The following CFAP57 variants were observed in gnomAD, a reference collection of about 807,000 sequenced individuals.
CFAP57 encodes cilia- and flagella-associated protein 57.
A neutral mutation model predicts 146.8 loss-of-function variants in CFAP57; 116 were observed. The ratio of observed to expected loss-of-function variants is 0.79; its 90% confidence interval spans 0.68 to 0.92. CFAP57 has a LOEUF of 0.92. Ranked by LOEUF, CFAP57 falls within the 40% of genes least tolerant of loss-of-function variation. The probability of loss-of-function intolerance (pLI) is 0.00; values close to 1 mark genes in which losing one functional copy is unlikely to be tolerated. For synonymous variants in CFAP57, 518 were observed against 552.8 expected, an observed-to-expected ratio of 0.94 and a Z score of 0.88; for missense variants, 1,377 against 1,527.2, an observed-to-expected ratio of 0.90 and a Z score of 1.64.
At chr1:43,231,947 T>C (rs1645488767) in intron 18 of CFAP57, 4 of 522,026 alleles carry the variant, frequency 7.7e-6, no homozygotes, top group Non-Finnish European at 6.8e-6. Flanking sequence ...TCAGTTGTAC[T>C]TTTTAAGACC....
chr1:43,243,733 TA>T (rs1319643585), intron 22 of CFAP57, among the ~76,000 whole-genome samples: 1 of 152,200 alleles, frequency 6.6e-6, no homozygotes, highest in Non-Finnish European at 1.5e-5. Flanking sequence ...TTCCTGAATT[TA>T]AAAAAGCACT....
chr1:43,174,179 T>C (rs75428016), intron 2 of CFAP57, among the ~76,000 whole-genome samples: 2,280 of 152,294 alleles, frequency 0.015, 55 homozygotes, highest in African/African-American at 0.053. Flanking sequence ...GTCAGATATA[T>C]ATATATGTCT....
At chr1:43,197,426 C>T in intron 6 of CFAP57, 127 bp from the exon 7 acceptor site, 1 of 1,080,098 alleles carries the variant, frequency 9.3e-7, no homozygotes, top group South Asian at 1.3e-5. Flanking sequence ...AATATTCAAA[C>T]AGTTTAGCCA....
At chr1:43,199,014 A>G (rs16830529) in intron 8 of CFAP57, among the ~76,000 whole-genome samples, 7,501 of 152,288 alleles carry the variant, frequency 0.049, 626 homozygotes, top group African/African-American at 0.17. Context: ...AGGGAAAAAT[A>G]AGCATCAATG....
rs574086490 is a variant in CFAP57 at position 43,173,653 on chromosome 1, A to G, written c.157+743A>G. ...CGATACATATAGCCAAGTTCATTTTATTGCTATGTAGTGTTCCATCATATG... is the reference window on the plus strand; with the variant it reads ...CGATACATATAGCCAAGTTCATTTTGTTGCTATGTAGTGTTCCATCATATG... On this transcript the variant is annotated intron_variant, in intron 2 of 22. Transcript: ENST00000372492. Among the ~76,000 whole-genome samples the G allele has an allele frequency of 5.3e-5, 8 of 152,324 alleles. No homozygotes were observed. In the South Asian group the frequency reaches 1.7e-3, roughly 32 times the overall value.
chr1:43,185,419 C>G, intron 5 of CFAP57, 63 bp downstream of exon 5: 1 of 1,497,766 alleles, frequency 6.7e-7, no homozygotes, highest in Non-Finnish European at 9.2e-7. Context: ...TCCCCAGCAG[C>G]AGTTCTCTGA....
At chr1:43,184,407 TA>T (rs1645554856) in intron 4 of CFAP57, among the ~76,000 whole-genome samples, 1 of 152,208 alleles carries the variant, frequency 6.6e-6, no homozygotes, top group Non-Finnish European at 1.5e-5. Context: ...TGACAACCAG[TA>T]AAAATCATAT....
intron 22 of CFAP57, among the ~76,000 whole-genome samples, chr1:43,248,986 A>T (rs1011536068): frequency 7.3e-5 from 11 of 150,736 alleles, no homozygotes; most frequent in African/African-American, 2.7e-4. Flanking sequence ...GGTTCATGCC[A>T]TTCTCCTGCC....
At chr1:43,199,155 G>A (rs1476013942) in intron 8 of CFAP57, among the ~76,000 whole-genome samples, 3 of 152,136 alleles carry the variant, frequency 2.0e-5, no homozygotes, top group Non-Finnish European at 2.9e-5. Context: ...TGGTCCCAAC[G>A]GCTTAATGAT....
chr1:43,172,732 C>T lies in CFAP57; in HGVS notation c.-19-3C>T, dbSNP rs371202735. ...TCTGAAGCGCTGCCTTGGTCTTCAGCAGAACTGTTTGGCGGGAGATCATGT... is the reference window on the plus strand; with the variant it reads ...TCTGAAGCGCTGCCTTGGTCTTCAGTAGAACTGTTTGGCGGGAGATCATGT... On this transcript the variant is annotated splice_polypyrimidine_tract_variant and splice_region_variant and intron_variant, in intron 1 of 22. Coordinates refer to ENST00000372492, the MANE Select transcript of CFAP57 (RefSeq NM_001378189.1). The T allele has an allele frequency of 3.7e-5, 59 of 1,613,602 alleles. No homozygotes were observed. The highest frequency in any genetic ancestry group is 5.0e-5 in the Non-Finnish European group (59 of 1,179,998).
At chr1:43,179,572 C>G (rs1193647447) in intron 2 of CFAP57, among the ~76,000 whole-genome samples, 3 of 152,126 alleles carry the variant, frequency 2.0e-5, no homozygotes, top group Non-Finnish European at 2.9e-5. Flanking sequence ...CAGGTAGGAA[C>G]CTGGCACAAA....
intron 4 of CFAP57, among the ~76,000 whole-genome samples, chr1:43,184,094 C>T (rs906883874): frequency 2.6e-5 from 4 of 152,120 alleles, no homozygotes; most frequent in African/African-American, 4.8e-5. Context: ...TTATACCTAA[C>T]CTCATTTTAT....
At chr1:43,172,522 A>G in intron 1 of CFAP57, 69 bp downstream of exon 1, 1 of 1,384,840 alleles carries the variant, frequency 7.2e-7, no homozygotes, top group Non-Finnish European at 9.5e-7. Flanking sequence ...AAAAGGCAGA[A>G]AAAGGAGCCG....
chr1:43,223,989 G>A (rs1645146983), intron 16 of CFAP57, 57 bp from the exon 17 acceptor site: 4 of 1,540,842 alleles, frequency 2.6e-6, no homozygotes, highest in Non-Finnish European at 2.6e-6. Context: ...GACAGTGGGA[G>A]GGATGGAGAT....
chr1:43,242,750 G>T (rs943725047), intron 21 of CFAP57, among the ~76,000 whole-genome samples: 15 of 152,120 alleles, frequency 9.9e-5, no homozygotes, highest in African/African-American at 3.4e-4. Flanking sequence ...CTTGCTAGCT[G>T]TGTAACTGAG....
In CFAP57 at chr1:43,186,350, G is replaced by T. The variant is rs181269049; in HGVS notation, c.970-357G>T. On this transcript the variant is annotated intron_variant, in intron 5 of 22. Coordinates refer to ENST00000372492, the MANE Select transcript of CFAP57 (RefSeq NM_001378189.1). ...GCCTAGGCCGGGCGCAGTTGCTCAC[G>T]CCTGTAATCCCAGCACTTTGGAAGG... Among the ~76,000 whole-genome samples the T allele has an allele frequency of 2.4e-4, 37 of 152,210 alleles. No homozygotes were observed. The East Asian group carries it at 7.1e-3, about 29-fold the overall frequency.
In CFAP57 at chr1:43,229,380, T is replaced by G. The variant is rs529368197; in HGVS notation, c.3009+2254T>G. Reference sequence around the variant, plus strand: ...CCAGCAGGATCCCTCCTACCTCCTTTCGCTGGTGCCAGTTGCTGTCAGGAC... The same window carrying G: ...CCAGCAGGATCCCTCCTACCTCCTTGCGCTGGTGCCAGTTGCTGTCAGGAC... On this transcript the variant is annotated intron_variant, in intron 18 of 22. Coordinates refer to ENST00000372492, the MANE Select transcript of CFAP57 (RefSeq NM_001378189.1). 3.0e-4 allele frequency among the ~76,000 whole-genome samples: 44 copies of G among 148,642 alleles called. 6 individuals carry two copies. In the South Asian group the frequency reaches 9.7e-3, roughly 33 times the overall value.
intron 22 of CFAP57, 36 bp downstream of exon 22, chr1:43,243,395 G>T: frequency 6.8e-7 from 1 of 1,473,046 alleles, no homozygotes. Context: ...ATGGGCACTG[G>T]GACGAAGGGA....
In CFAP57 at chr1:43,201,576, C is replaced by T. The variant is rs1291499679; in HGVS notation, c.1542+2073C>T. ...TCTCGGCTCACTGCAACCTCCACCT[C>T]CTGAGTTCAAGCGATTCTCCTGCCT... On this transcript the variant is annotated intron_variant, in intron 9 of 22. Coordinates refer to ENST00000372492, the MANE Select transcript of CFAP57 (RefSeq NM_001378189.1). This position sits in a 1 kb window ranked among gnomAD's most constrained non-coding sequence, Gnocchi z 4.4. Among the ~76,000 whole-genome samples, 1 of 152,230 alleles carries T rather than the reference C, an allele frequency of 6.6e-6. No homozygotes were observed. The highest frequency in any genetic ancestry group is 1.5e-5 in the Non-Finnish European group (1 of 68,044).
Sources: allele counts gnomAD v4.1 joint callset (sites outside exome capture counted in the v4.1 genomes callset), GRCh38; gene constraint gnomAD v4.1.1; non-coding constraint Gnocchi (gnomAD v3.1); transcripts MANE v1.5; gene names NCBI Gene and HGNC (gene_info 2026-07-23, HGNC 2026-07-21).